The following IMPG1 variants were observed in gnomAD, a reference collection of about 807,000 sequenced individuals.
The protein encoded by IMPG1 is interphotoreceptor matrix proteoglycan of 150 kDa.
Under a neutral mutation model 92.0 loss-of-function variants are expected in IMPG1, and 85 were observed. The ratio of observed to expected loss-of-function variants is 0.92; its 90% CI spans 0.78 to 1.11. IMPG1 has a LOEUF of 1.11. IMPG1 is among the 50% of genes least tolerant of loss of function. The probability of loss-of-function intolerance (pLI) is 0.00; values close to 1 mark genes in which losing one functional copy is unlikely to be tolerated. For synonymous variants in IMPG1, 367 were observed against 334.1 expected, an observed-to-expected ratio of 1.10 and a Z score of -1.08; for missense variants, 1,022 against 956.0, an observed-to-expected ratio of 1.07 and a Z score of -0.91.
chr6:75,975,097 A>G (rs142418876), intron 12 of IMPG1, among the ~76,000 whole-genome samples: 2 of 152,344 alleles, frequency 1.3e-5, no homozygotes, highest in African/African-American at 2.4e-5. Flanking sequence ...ATGCTCCCTG[A>G]AGGCAGAGCC....
chr6:76,022,011 G>C, intron 6 of IMPG1, 105 bp downstream of exon 6: 1 of 596,246 alleles, frequency 1.7e-6, no homozygotes, highest in East Asian at 3.9e-5. Flanking sequence ...CAAAAATACA[G>C]CACTAATATT....
chr6:76,045,768 T>C (rs1284087843), intron 1 of IMPG1, among the ~76,000 whole-genome samples: 3 of 152,160 alleles, frequency 2.0e-5, no homozygotes, highest in Admixed American at 2.0e-4. Flanking sequence ...CAGATGCTGT[T>C]CTCCAGTCCT....
Position 75,923,634 on chromosome 6 carries a change from CT to C in IMPG1, c.2315del (p.Lys772ArgfsTer2). On this transcript the variant is annotated frameshift_variant and splice_region_variant, in exon 16 of 17. Coordinates refer to ENST00000369950, the MANE Select transcript of IMPG1 (RefSeq NM_001563.4). LOFTEE classifies it high-confidence loss of function. ...VKKFQNQQNN[K>X]VISKRNSELL... ...ACCAACTTAGAAAGTATGATTTTAC[CT>C]TGTTATTTTGTTGATTTTGGAACTT... 1 of 1,466,670 alleles carries C rather than the reference CT, an allele frequency of 6.8e-7. No homozygotes were observed. Among genetic ancestry groups the C allele is most frequent in the Non-Finnish European group, 9.5e-7 (1 of 1,048,220 alleles). The allele number at this position is 1,466,670 out of a possible 1,614,324, so 90.9% of individuals were successfully genotyped here. A position where few individuals can be genotyped will look rare whatever the true frequency, so the allele number is the denominator to read the frequency against.
intron 4 of IMPG1, among the ~76,000 whole-genome samples, chr6:76,027,415 A>G (rs949983949): frequency 1.3e-5 from 2 of 152,252 alleles, no homozygotes; most frequent in Non-Finnish European, 2.9e-5. Context: ...AAAGTTAAAA[A>G]TTGTTAGGAG....
chr6:75,947,564 T>C, intron 13 of IMPG1, 31 bp from the exon 14 acceptor site: 4 of 1,526,242 alleles, frequency 2.6e-6, no homozygotes, highest in Non-Finnish European at 3.6e-6. Flanking sequence ...TCCTCTTAAC[T>C]GTGTTCTAAG....
intron 5 of IMPG1, 125 bp downstream of exon 5, chr6:76,025,069 A>T: frequency 1.5e-6 from 1 of 671,576 alleles, no homozygotes; most frequent in East Asian, 2.8e-5. Flanking sequence ...AGTTAGAAAT[A>T]TAAGCTAGTT....
rs138945636 is a variant in IMPG1, at chr6:75,993,847, T to C, written c.1291+9071A>G. On this transcript the variant is annotated intron_variant, in intron 12 of 16. Coordinates refer to ENST00000369950, the MANE Select transcript of IMPG1 (RefSeq NM_001563.4). ...TCTCCTTGTCATTAGAGCTGTTTAC[T>C]ACTGAGGGATGATCAGAGAATAGCG... Among the ~76,000 whole-genome samples, 68 of 152,344 alleles carry C rather than the reference T, an allele frequency of 4.5e-4. No individual in the cohort carries two copies. In the East Asian group the frequency reaches 0.013, roughly 29 times the overall value.
chr6:75,968,764 C>T (rs1400421769), intron 12 of IMPG1, among the ~76,000 whole-genome samples: 1 of 152,130 alleles, frequency 6.6e-6, no homozygotes, highest in Non-Finnish European at 1.5e-5. Flanking sequence ...TGCTTTCTTG[C>T]TGTCACCCTC....
intron 8 of IMPG1, among the ~76,000 whole-genome samples, chr6:76,010,072 T>C (rs1036600704): frequency 6.6e-5 from 10 of 152,266 alleles, no homozygotes; most frequent in Non-Finnish European, 1.3e-4. Flanking sequence ...TTTCATCTTT[T>C]ATAACTTTCA....
intron 7 of IMPG1, among the ~76,000 whole-genome samples, chr6:76,013,226 C>G (rs188076748): frequency 6.6e-6 from 1 of 152,050 alleles, no homozygotes. Context: ...CAAGATCCAA[C>G]TGTTTAGAAT....
chr6:75,982,399 G>C (rs996288406), intron 12 of IMPG1, among the ~76,000 whole-genome samples: 19 of 151,968 alleles, frequency 1.3e-4, no homozygotes, highest in Admixed American at 3.9e-4. Flanking sequence ...AAATTAGCCA[G>C]GCATGGTGGC....
intron 1 of IMPG1, among the ~76,000 whole-genome samples, chr6:76,062,624 G>A (rs923125980): frequency 4.6e-5 from 7 of 152,036 alleles, no homozygotes; most frequent in Non-Finnish European, 8.8e-5. Context: ...ACACCCAATC[G>A]TTATGCTTAC....
intron 14 of IMPG1, among the ~76,000 whole-genome samples, chr6:75,946,804 C>T (rs1413439813): frequency 6.6e-6 from 1 of 152,050 alleles, no homozygotes; most frequent in Non-Finnish European, 1.5e-5. Context: ...AAGTGACTTT[C>T]TCCAAGTTTG....
At chr6:75,988,801 A>G (rs1782767026) in intron 12 of IMPG1, among the ~76,000 whole-genome samples, 1 of 152,128 alleles carries the variant, frequency 6.6e-6, no homozygotes, top group African/African-American at 2.4e-5. Flanking sequence ...GAAATGCCCA[A>G]GTTGCAGTTC....
At position 76,025,221 on chromosome 6, in the gene IMPG1, G is replaced by T; in HGVS notation, c.535C>A (p.Pro179Thr). The change falls in exon 5 of 17, where the codon CCT (proline) becomes ACT (threonine). Residue 179 changes from proline to threonine, a missense_variant. Transcript: ENST00000369950. ...GTTGAAATGACAATGGTTTCACCAGGCTCTCCCAATGTCTTCTCTGCAGAT... is the reference window on the plus strand; with the variant it reads ...GTTGAAATGACAATGGTTTCACCAGTCTCTCCCAATGTCTTCTCTGCAGAT... Reference protein sequence around the residue: ...EISAEKTLGEPGETIVISTDV... With the variant: ...EISAEKTLGETGETIVISTDV... The T allele has an allele frequency of 1.2e-6, 2 of 1,602,394 alleles. No homozygotes were observed. Among genetic ancestry groups the T allele is most frequent in the Non-Finnish European group, 1.7e-6 (2 of 1,170,556 alleles).
intron 4 of IMPG1, among the ~76,000 whole-genome samples, chr6:76,032,237 T>C (rs1306602538): frequency 6.6e-6 from 1 of 152,202 alleles, no homozygotes; most frequent in African/African-American, 2.4e-5. Flanking sequence ...TTTTTAATGG[T>C]TGTCTGTCAA....
At position 75,957,723 on chromosome 6, in the gene IMPG1, C is replaced by T. The variant is rs765677580; in HGVS notation, c.1292-6629G>A. ...TCTGTTTTATCAGAGACTAGAATTG[C>T]AACCTCTGCTTTGTTTTTGCTTTCC... On this transcript the variant is annotated intron_variant, in intron 12 of 16. Coordinates refer to ENST00000369950, the MANE Select transcript of IMPG1 (RefSeq NM_001563.4). 2.0e-5 allele frequency among the ~76,000 whole-genome samples: 3 copies of T among 152,260 alleles called. No homozygotes were observed. In the South Asian group the frequency reaches 6.2e-4, roughly 32 times the overall value.
intron 1 of IMPG1, among the ~76,000 whole-genome samples, chr6:76,064,639 A>G (rs1784276140): frequency 6.6e-6 from 1 of 152,086 alleles, no homozygotes; most frequent in Non-Finnish European, 1.5e-5. Flanking sequence ...TTGGCAGTCC[A>G]ACTCCACACA....
chr6:76,025,350 C>A, intron 4 of IMPG1, 92 bp from the exon 5 acceptor site: 1 of 597,444 alleles, frequency 1.7e-6, no homozygotes, highest in African/African-American at 1.9e-5. Flanking sequence ...ACTGAGTAAA[C>A]CTAAAAGTTA....
Sources: allele counts gnomAD v4.1 joint callset (sites outside exome capture counted in the v4.1 genomes callset), GRCh38; gene constraint gnomAD v4.1.1; transcripts MANE v1.5; gene names NCBI Gene and HGNC (gene_info 2026-07-23, HGNC 2026-07-21).